SPTAN1: variants seen among roughly 807,000 people sequenced by gnomAD.
The protein encoded by SPTAN1 is spectrin alpha chain, non-erythrocytic 1.
Under a neutral mutation model 331.3 loss-of-function variants are expected in SPTAN1, and 61 were observed. The ratio of observed to expected loss-of-function variants is 0.18; its 90% CI spans 0.15 to 0.23. SPTAN1 has a LOEUF of 0.23. Among genes scored for constraint, SPTAN1 ranks in the 10% least tolerant of loss-of-function variants. The probability of loss-of-function intolerance (pLI) is 1.00; values close to 1 mark genes in which losing one functional copy is unlikely to be tolerated. For missense variants in SPTAN1, 2,043 were observed against 3,147.9 expected (o/e 0.65, Z 8.40); for synonymous variants, 1,153 against 1,173.9 (o/e 0.98, Z 0.36).
chr9:128,617,902 G>A, intron 42 of SPTAN1, 85 bp from the exon 43 acceptor site: 1 of 1,613,100 alleles, frequency 6.2e-7, no homozygotes, highest in Non-Finnish European at 8.5e-7. Context: ...TCCCAAACTT[G>A]ATGTTGAGGC....
At chr9:128,611,206 A>AT (rs1856523941) in intron 37 of SPTAN1, among the ~76,000 whole-genome samples, 1 of 152,228 alleles carries the variant, frequency 6.6e-6, no homozygotes, top group South Asian at 2.1e-4. Context: ...TTGGTGGCTC[A>AT]TGCTTGTAAT....
Position 128,576,969 on chromosome 9 carries a change from A to AG in SPTAN1, c.785+14dup, listed in dbSNP as rs1851374712. 3.1e-6 allele frequency: 5 copies of AG among 1,614,054 alleles called. No individual in the cohort carries two copies. The highest frequency in any genetic ancestry group is 4.2e-6 in the Non-Finnish European group (5 of 1,180,032). ...AGCGCTTTAACAGGTGTCAAGCCAG[A>AG]GTGGGCTTTGGGGAATGGGTCTCAA... is the stretch of plus-strand genomic sequence containing the variant. On this transcript the variant is annotated intron_variant, in intron 6 of 56. Transcript: ENST00000372739.
intron 22 of SPTAN1, 53 bp downstream of exon 22, chr9:128,591,678 G>T (rs936700638): frequency 8.1e-6 from 13 of 1,609,426 alleles, no homozygotes; most frequent in Admixed American, 1.7e-5. Context: ...GGCATACTCT[G>T]TTCCACATGG....
At chr9:128,612,598 A>T (rs554297600) in intron 39 of SPTAN1, among the ~76,000 whole-genome samples, 1 of 152,210 alleles carries the variant, frequency 6.6e-6, no homozygotes, top group African/African-American at 2.4e-5. Context: ...TGTATTCTCC[A>T]TGGAGAATGT....
In SPTAN1 at chr9:128,632,129, C is replaced by T. The variant is rs1239785185; in HGVS notation, c.6765C>T (p.Arg2255=). The T allele has an allele frequency of 2.5e-6, 4 of 1,613,134 alleles. No individual in the cohort carries two copies. Among genetic ancestry groups the T allele is most frequent in the Non-Finnish European group, 3.4e-6 (4 of 1,179,982 alleles). ...TLESQLEATK[R]KHQEIRAMRS... ...ATCTGTGCTCCCCACCCCTGCAGCG[C>T]AAGCACCAGGAAATCCGAGCCATGA... The change falls in exon 53 of 57, where the codon CGC becomes CGT. Residue 2255 remains arginine (R), a splice_region_variant and synonymous_variant. Transcript: ENST00000372739.
At chr9:128,589,651 C>A (rs1256976553) in intron 21 of SPTAN1, among the ~76,000 whole-genome samples, 1 of 145,824 alleles carries the variant, frequency 6.9e-6, no homozygotes, top group African/African-American at 2.5e-5. Context: ...TCTCAGCTCA[C>A]TACAAGCTCC....
In SPTAN1 at chr9:128,630,648, C is replaced by G. The variant is rs28562867; in HGVS notation, c.6762+273C>G. 1.8e-3 allele frequency: 769 copies of G among 432,140 alleles called. 6 individuals are homozygous for G. The highest frequency in any genetic ancestry group is 0.014 in the African/African-American group (714 of 49,678). 26.8% of individuals were successfully genotyped at this position (432,140 alleles called of 1,614,324 possible). A position where few individuals can be genotyped will look rare whatever the true frequency, so the allele number is the denominator to read the frequency against. On this transcript the variant is annotated intron_variant, in intron 52 of 56. Coordinates refer to ENST00000372739, the MANE Select transcript of SPTAN1 (RefSeq NM_001130438.3). ...AGGTCAAGCAATTCTCCTGCCTCAG[C>G]CTCCCAAATAGCTGTACTACAGATG... is the stretch of plus-strand genomic sequence containing the variant.
chr9:128,632,025 AG>A, intron 52 of SPTAN1, 101 bp from the exon 53 acceptor site: 2 of 1,280,032 alleles, frequency 1.6e-6, no homozygotes, highest in Non-Finnish European at 1.1e-6. Flanking sequence ...ACGAGGTCTC[AG>A]GCCAGGCCTG....
rs1244125212 is a variant in SPTAN1, at chr9:128,577,118, T to G, written c.786-11T>G. ...CATTGCTGTGGATTAACTGGTGCCT[T>G]TGTTCTGTAGGGATGTGGATGAGAC... is the stretch of plus-strand genomic sequence containing the variant. On this transcript the variant is annotated splice_polypyrimidine_tract_variant and intron_variant, in intron 6 of 56. Coordinates refer to ENST00000372739, the MANE Select transcript of SPTAN1 (RefSeq NM_001130438.3). The surrounding 1 kb of genome is among the most constrained non-coding windows in gnomAD (Gnocchi z 4.2). The G allele has an allele frequency of 6.2e-7, 1 of 1,614,044 alleles. No homozygotes were observed. The highest frequency in any genetic ancestry group is 1.7e-5 in the Admixed American group (1 of 60,016).
At position 128,625,716 on chromosome 9, in the gene SPTAN1, C is replaced by T. The variant is rs995196723; in HGVS notation, c.6070-53C>T. 1.1e-5 allele frequency: 17 copies of T among 1,565,840 alleles called. No individual in the cohort carries two copies. In the African/African-American group the frequency reaches 2.0e-4, roughly 19 times the overall value. On this transcript the variant is annotated intron_variant, in intron 47 of 56. Coordinates refer to ENST00000372739, the MANE Select transcript of SPTAN1 (RefSeq NM_001130438.3). This position sits in a 1 kb window ranked among gnomAD's most constrained non-coding sequence, Gnocchi z 4.1. Reference sequence around the variant, plus strand: ...TGGTGCCATCTGAGCCTAGGAAGAGCAAGTTCCAGTCCTGTGGAGTCACCA... The same window carrying T: ...TGGTGCCATCTGAGCCTAGGAAGAGTAAGTTCCAGTCCTGTGGAGTCACCA...
At chr9:128,610,027 T>A (rs939727142) in intron 37 of SPTAN1, among the ~76,000 whole-genome samples, 3 of 152,220 alleles carry the variant, frequency 2.0e-5, no homozygotes, top group African/African-American at 7.2e-5. Flanking sequence ...TCAGACTTGC[T>A]ATGAGCTCAT....
intron 39 of SPTAN1, 147 bp downstream of exon 39, chr9:128,612,393 T>G: frequency 5.0e-5 from 48 of 968,378 alleles, no homozygotes; most frequent in Non-Finnish European, 6.9e-5. Flanking sequence ...AGTTGCATGC[T>G]GTAAGGGATT....
At chr9:128,622,131 T>C (rs1472468878) in intron 45 of SPTAN1, 1 of 152,142 alleles carries the variant, frequency 6.6e-6, no homozygotes, top group Non-Finnish European at 1.5e-5. Flanking sequence ...GATCTGCAAA[T>C]AAACTTGCGT....
At chr9:128,597,711 C>T (rs551905640) in intron 24 of SPTAN1, among the ~76,000 whole-genome samples, 5 of 152,262 alleles carry the variant, frequency 3.3e-5, no homozygotes, top group African/African-American at 4.8e-5. Flanking sequence ...TGCAGTGGCA[C>T]GATTTTGGCT....
intron 1 of SPTAN1, among the ~76,000 whole-genome samples, chr9:128,556,643 T>TA (rs1479937657): frequency 2.6e-5 from 4 of 152,236 alleles, no homozygotes; most frequent in African/African-American, 9.6e-5. Context: ...TTCTTAAAGC[T>TA]AAGTCCCTGC....
At chr9:128,600,674 T>C (rs1854993803) in intron 27 of SPTAN1, among the ~76,000 whole-genome samples, 1 of 152,178 alleles carries the variant, frequency 6.6e-6, no homozygotes, top group African/African-American at 2.4e-5. Flanking sequence ...TTGTTTTGTT[T>C]TGTTTTGAGA....
chr9:128,557,512 A>T (rs1279931937), intron 1 of SPTAN1, among the ~76,000 whole-genome samples: 1 of 152,134 alleles, frequency 6.6e-6, no homozygotes, highest in Non-Finnish European at 1.5e-5. Flanking sequence ...CTGTACAAGA[A>T]GATAGAGCTA....
intron 53 of SPTAN1, 27 bp downstream of exon 53, chr9:128,632,350 TCA>T: frequency 1.2e-6 from 2 of 1,613,430 alleles, no homozygotes; most frequent in Non-Finnish European, 1.7e-6. Context: ...TGGGCCAGGC[TCA>T]GCCCAGAGCA....
chr9:128,621,175 T>C lies in SPTAN1; in HGVS notation c.5751T>C (p.His1917=). ...LAAIQGLLKK[H]EAFETDFTVH... ...TACTCCAGGGCTTACTGAAGAAACA[T>C]GAAGCTTTTGAGACAGACTTCACCG... The change falls in exon 45 of 57, where the codon CAT becomes CAC. Residue 1917 remains histidine, a synonymous_variant. Transcript: ENST00000372739. 2 of 1,614,124 alleles carry C rather than the reference T, an allele frequency of 1.2e-6. No homozygotes were observed. Among genetic ancestry groups the C allele is most frequent in the East Asian group, 2.2e-5 (1 of 44,876 alleles).
Sources: gnomAD v4.1 joint callset for allele counts (sites outside exome capture counted in the v4.1 genomes callset) on GRCh38, gnomAD v4.1.1 for gene constraint, Gnocchi (gnomAD v3.1) non-coding constraint, MANE v1.5 for transcripts, NCBI Gene and HGNC (gene_info 2026-07-23, HGNC 2026-07-21) for gene names.